Variants in WSCD1 observed in about 807,000 individuals in gnomAD.
WSCD1 encodes WSC domain sialate O sulfotransferase 1, also known as sialate:O-sulfotransferase 1.
In WSCD1, 41 loss-of-function variants were observed where a neutral mutation model predicts 60.4. The ratio of observed to expected loss-of-function variants is 0.68; its 90% confidence interval spans 0.53 to 0.88. The LOEUF (loss-of-function observed/expected upper bound fraction) is 0.88, where lower values mean the gene tolerates loss of function less well. Among genes scored for constraint, WSCD1 ranks in the 40% least tolerant of loss-of-function variants. The pLI is 0.00. For missense variants in WSCD1, 784 were observed against 796.2 expected, an observed-to-expected ratio of 0.98 and a Z score of 0.18; for synonymous variants, 361 against 332.5, an observed-to-expected ratio of 1.09 and a Z score of -0.93.
intron 4 of WSCD1, among the ~76,000 whole-genome samples, chr17:6,094,068 G>A (rs909029431): frequency 2.6e-5 from 4 of 152,196 alleles, no homozygotes; most frequent in Non-Finnish European, 4.4e-5. Context: ...GGGAGATACT[G>A]AGCCCTGGGA....
Position 6,095,205 on chromosome 17 carries a change from G to T in WSCD1, c.831G>T (p.Ser277=). 6.2e-7 allele frequency: 1 copy of T among 1,613,300 alleles called. No homozygotes were observed. The highest frequency in any genetic ancestry group is 8.5e-7 in the Non-Finnish European group (1 of 1,179,666). Residue 277 remains serine (S), a synonymous_variant, in exon 5 of 9, where the codon TCG becomes TCT. Coordinates refer to ENST00000317744, the MANE Select transcript of WSCD1 (RefSeq NM_015253.2). Reference sequence around the variant, plus strand: ...CCAATGTGACCGTGGGGACTTGCTCGGGCTTTTGTTCCCAGAAAGTAAGAC... The same window carrying T: ...CCAATGTGACCGTGGGGACTTGCTCTGGCTTTTGTTCCCAGAAAGTAAGAC... ...IQANVTVGTC[S]GFCSQKEFPL...
rs559409175 is a variant in WSCD1 at position 6,116,652 on chromosome 17, C to T, written c.1175-1336C>T. Among the ~76,000 whole-genome samples, 9 of 152,312 alleles carry T rather than the reference C, an allele frequency of 5.9e-5. No homozygotes were observed. The South Asian group carries it at 1.9e-3, about 32-fold the overall frequency. ...TTTGACAGAATGAATCAAAGCGAGG[C>T]CTTTTGGTATTTGGCCCATGGCAGA... is the stretch of plus-strand genomic sequence containing the variant. On this transcript the variant is annotated intron_variant, in intron 7 of 8. Coordinates refer to ENST00000317744, the MANE Select transcript of WSCD1 (RefSeq NM_015253.2).
intron 2 of WSCD1, among the ~76,000 whole-genome samples, chr17:6,082,746 G>T (rs1909362392): frequency 6.6e-6 from 1 of 152,156 alleles, no homozygotes; most frequent in South Asian, 2.1e-4. Context: ...TGGACCACCT[G>T]GCAGAATATA....
At chr17:6,103,824 G>A (rs9900101) in intron 5 of WSCD1, among the ~76,000 whole-genome samples, 124,393 of 152,088 alleles carry the variant, frequency 0.82, 51,132 homozygotes, top group Middle Eastern at 0.93. Context: ...CTTACTGAGT[G>A]TCTACTCTCT....
rs374954306 is a variant in WSCD1, at chr17:6,120,679, G to A, written c.*18G>A. ...CCAGATGATAGGCCTGGCCCACGCC[G>A]CCGCCCCCGCTGAGTGACGCAATCG... On this transcript the variant is annotated 3_prime_UTR_variant, in exon 9 of 9. Coordinates refer to ENST00000317744, the MANE Select transcript of WSCD1 (RefSeq NM_015253.2). The A allele has an allele frequency of 1.0e-4, 163 of 1,590,242 alleles. No individual in the cohort carries two copies. The Admixed American group carries it at 1.1e-3, about 11-fold the overall frequency.
chr17:6,109,455 A>G lies in WSCD1; in HGVS notation c.850-152A>G, dbSNP rs534288609. 16 of 1,128,058 alleles carry G rather than the reference A, an allele frequency of 1.4e-5. No homozygotes were observed. In the East Asian group the frequency reaches 3.8e-4, roughly 27 times the overall value. 69.9% of individuals were successfully genotyped at this position (1,128,058 alleles called of 1,614,324 possible). On this transcript the variant is annotated intron_variant, in intron 5 of 8. Transcript: ENST00000317744. ...TTGTCTCCCCTGGAATTGGGCACAG[A>G]GCACAGTGGTGGAAGGATGGTGGTC... is the stretch of plus-strand genomic sequence containing the variant.
rs910112426 is a variant in WSCD1, at chr17:6,075,520, T to C, written c.-288-4851T>C. On this transcript the variant is annotated intron_variant, in intron 1 of 8. Coordinates refer to ENST00000317744, the MANE Select transcript of WSCD1 (RefSeq NM_015253.2). The surrounding 1 kb of genome is among the most constrained non-coding windows in gnomAD (Gnocchi z 4.1). ...CAGTTGCTGCTCCCTCGGTCCCAGA[T>C]GGCAACAAAGTAATAGACAAAAGCT... Among the ~76,000 whole-genome samples the C allele has an allele frequency of 6.6e-6, 1 of 152,124 alleles. No individual in the cohort carries two copies. Among genetic ancestry groups the C allele is most frequent in the African/African-American group, 2.4e-5 (1 of 41,426 alleles).
Position 6,120,687 on chromosome 17 carries a change from C to T in WSCD1, c.*26C>T, listed in dbSNP as rs770577109. ...TAGGCCTGGCCCACGCCGCCGCCCCCGCTGAGTGACGCAATCGCACCACGG... is the reference window on the plus strand; with the variant it reads ...TAGGCCTGGCCCACGCCGCCGCCCCTGCTGAGTGACGCAATCGCACCACGG... On this transcript the variant is annotated 3_prime_UTR_variant, in exon 9 of 9. Transcript: ENST00000317744. The T allele has an allele frequency of 2.2e-5, 34 of 1,581,334 alleles. No homozygotes were observed. Among genetic ancestry groups the T allele is most frequent in the African/African-American group, 6.7e-5 (5 of 74,518 alleles).
At chr17:6,076,764 G>A (rs1908888392) in intron 1 of WSCD1, among the ~76,000 whole-genome samples, 1 of 152,180 alleles carries the variant, frequency 6.6e-6, no homozygotes, top group South Asian at 2.1e-4. Flanking sequence ...ATGAGCAGTG[G>A]CTAGCATTCT....
At chr17:6,091,453 T>G (rs1348621724) in intron 4 of WSCD1, among the ~76,000 whole-genome samples, 4 of 151,948 alleles carry the variant, frequency 2.6e-5, no homozygotes, top group Admixed American at 2.0e-4. Flanking sequence ...TCTGTTTGGG[T>G]CTTAATGTCC....
At position 6,120,848 on chromosome 17, in the gene WSCD1, T is replaced by C. The variant is rs1009497644; in HGVS notation, c.*187T>C. 1.1e-5 allele frequency: 7 copies of C among 631,872 alleles called. No individual in the cohort carries two copies. Among genetic ancestry groups the C allele is most frequent in the Non-Finnish European group, 1.9e-5 (7 of 369,238 alleles). 39.1% of individuals were successfully genotyped at this position (631,872 alleles called of 1,614,324 possible). On this transcript the variant is annotated 3_prime_UTR_variant, in exon 9 of 9. Transcript: ENST00000317744. ...ACACACATCACAAGGCGAACACAAA[T>C]GGACACACATACCTGGCCACGAACC...
At chr17:6,087,891 G>C in intron 2 of WSCD1, 99 bp from the exon 3 acceptor site, 1 of 925,552 alleles carries the variant, frequency 1.1e-6, no homozygotes, top group East Asian at 2.4e-5. Context: ...TTCTCTGAGA[G>C]TGGCCTTGGC....
chr17:6,118,158 T>C lies in WSCD1; in HGVS notation c.1345T>C (p.Tyr449His), dbSNP rs781419783. The change falls in exon 8 of 9, where the codon TAT (tyrosine) becomes CAT (histidine). Residue 449 changes from tyrosine (Y) to histidine (H), a missense_variant. Tyr to His is a moderately conservative substitution (Grantham distance 83). Coordinates refer to ENST00000317744, the MANE Select transcript of WSCD1 (RefSeq NM_015253.2). This position sits in a 1 kb window ranked among gnomAD's most constrained non-coding sequence, Gnocchi z 5.8. Reference protein sequence around the residue: ...FNRKCAGHLGYAADRNWKSKE... With the variant: ...FNRKCAGHLGHAADRNWKSKE... Reference sequence around the variant, plus strand: ...CAGAAAATGTGCCGGGCACCTGGGATATGCAGCTGACCGCAACTGGAAGAG... The same window carrying C: ...CAGAAAATGTGCCGGGCACCTGGGACATGCAGCTGACCGCAACTGGAAGAG... The C allele has an allele frequency of 5.2e-5, 84 of 1,614,008 alleles. No individual in the cohort carries two copies. Among genetic ancestry groups the C allele is most frequent in the Non-Finnish European group, 6.9e-5 (81 of 1,180,034 alleles).
At chr17:6,105,001 G>A (rs1363963226) in intron 5 of WSCD1, among the ~76,000 whole-genome samples, 1 of 152,188 alleles carries the variant, frequency 6.6e-6, no homozygotes, top group East Asian at 1.9e-4. Flanking sequence ...AGGAGATGAT[G>A]CCGAGAGGGG....
In WSCD1 at chr17:6,121,655, G is replaced by A. The variant is rs1904713319; in HGVS notation, c.*994G>A. Reference sequence around the variant, plus strand: ...CAGGATGGGTCTTGGGAGTTGGCATGGGGAGATTGTAAGGGCTGTATCTCC... The same window carrying A: ...CAGGATGGGTCTTGGGAGTTGGCATAGGGAGATTGTAAGGGCTGTATCTCC... On this transcript the variant is annotated 3_prime_UTR_variant, in exon 9 of 9. Coordinates refer to ENST00000317744, the MANE Select transcript of WSCD1 (RefSeq NM_015253.2). 1.3e-5 allele frequency: 2 copies of A among 152,244 alleles called. No homozygotes were observed. Among genetic ancestry groups the A allele is most frequent in the African/African-American group, 4.8e-5 (2 of 41,410 alleles). 9.4% of individuals were successfully genotyped at this position (152,244 alleles called of 1,614,324 possible).
In WSCD1 at chr17:6,101,069, G is replaced by A. The variant is rs1910772087; in HGVS notation, c.849+5846G>A. On this transcript the variant is annotated intron_variant, in intron 5 of 8. Coordinates refer to ENST00000317744, the MANE Select transcript of WSCD1 (RefSeq NM_015253.2). The surrounding 1 kb of genome is among the most constrained non-coding windows in gnomAD (Gnocchi z 4.1). ...CCCTCCTGAATGTTGAGGGTGGCGA[G>A]AGAGGTGAATCTGGGGATGTCTGGC... is the stretch of plus-strand genomic sequence containing the variant. Among the ~76,000 whole-genome samples the A allele has an allele frequency of 6.6e-6, 1 of 152,178 alleles. No homozygotes were observed. The highest frequency in any genetic ancestry group is 2.4e-5 in the African/African-American group (1 of 41,430).
At chr17:6,072,918 G>A (rs977075156) in intron 1 of WSCD1, among the ~76,000 whole-genome samples, 4 of 152,190 alleles carry the variant, frequency 2.6e-5, no homozygotes, top group African/African-American at 9.7e-5. Context: ...ATGGAAGAAT[G>A]GGCTGGATTC....
At position 6,079,164 on chromosome 17, in the gene WSCD1, T is replaced by G. The variant is rs544578034; in HGVS notation, c.-288-1207T>G. The stretch of plus-strand genomic sequence containing the variant: ...CTTTGTCCGAAGCCTCCAAGCTTTC[T>G]GGGGGCCTGGAATGCCAGCCCAAAC... On this transcript the variant is annotated intron_variant, in intron 1 of 8. Transcript: ENST00000317744. Among the ~76,000 whole-genome samples, 20 of 152,328 alleles carry G rather than the reference T, an allele frequency of 1.3e-4. No homozygotes were observed. In the South Asian group the frequency reaches 4.1e-3, roughly 32 times the overall value.
upstream of WSCD1, chr17:6,070,334 C>G (rs1389573311): frequency 6.8e-6 from 1 of 147,618 alleles, no homozygotes; most frequent in South Asian, 2.0e-4. Context: ...CTCTAGGACC[C>G]GGCGGCGGCC....
Sources: gnomAD v4.1 joint callset for allele counts (sites outside exome capture counted in the v4.1 genomes callset) on GRCh38, gnomAD v4.1.1 for gene constraint, Gnocchi (gnomAD v3.1) non-coding constraint, MANE v1.5 for transcripts, NCBI Gene and HGNC (gene_info 2026-07-23, HGNC 2026-07-21) for gene names.